The following RPSA2 variants were observed in gnomAD, a reference collection of about 807,000 sequenced individuals.
The protein encoded by RPSA2 is small ribosomal subunit protein uS2B.
the RPSA2 span, among the ~76,000 whole-genome samples, chr19:23,788,454 C>T: frequency 6.6e-6 from 1 of 152,128 alleles, no homozygotes; most frequent in Non-Finnish European, 1.5e-5. Flanking sequence ...TATCACTTGG[C>T]CCAGCACCTA....
chr19:23,774,266 G>T, the RPSA2 span, among the ~76,000 whole-genome samples: 16 of 152,068 alleles, frequency 1.1e-4, no homozygotes, highest in African/African-American at 3.6e-4. Context: ...CATATTGCTG[G>T]GTCCGACTCT....
At chr19:23,790,979 AGT>A in the RPSA2 span, among the ~76,000 whole-genome samples, 4 of 152,166 alleles carry the variant, frequency 2.6e-5, no homozygotes, top group Admixed American at 1.3e-4. Flanking sequence ...CTGTCTTCCC[AGT>A]GCATTGGCTG....
chr19:23,763,315 C>T, the RPSA2 span, among the ~76,000 whole-genome samples: 1 of 152,212 alleles, frequency 6.6e-6, no homozygotes, highest in Non-Finnish European at 1.5e-5. Context: ...AGCGTCCAGC[C>T]CCGTCCGTGC....
At chr19:23,810,081 T>G in the RPSA2 span, among the ~76,000 whole-genome samples, 1 of 152,124 alleles carries the variant, frequency 6.6e-6, no homozygotes, top group Non-Finnish European at 1.5e-5. Flanking sequence ...AGGGTTCACC[T>G]TTAGTTGTCT....
chr19:23,799,651 ACCCC>A, the RPSA2 span, among the ~76,000 whole-genome samples: 49,315 of 51,554 alleles, frequency 0.96, 23,849 homozygotes, highest in East Asian at 1. Flanking sequence ...GAGTACTGTA[ACCCC>A]GTCCTCAGGG....
chr19:23,800,576 A>G, the RPSA2 span, among the ~76,000 whole-genome samples: 1 of 151,158 alleles, frequency 6.6e-6, no homozygotes, highest in African/African-American at 2.4e-5. Context: ...ATAGTCCTCC[A>G]CAGTCACTTC....
the RPSA2 span, among the ~76,000 whole-genome samples, chr19:23,766,262 C>T: frequency 3.3e-5 from 5 of 149,960 alleles, no homozygotes; most frequent in African/African-American, 1.2e-4. Flanking sequence ...GAGTGATTCT[C>T]CCACCGCAGC....
chr19:23,857,317 C>A, the RPSA2 span, among the ~76,000 whole-genome samples: 1 of 152,042 alleles, frequency 6.6e-6, no homozygotes, highest in African/African-American at 2.4e-5. Flanking sequence ...GTAAGACAGG[C>A]ATAAGAAATT....
chr19:23,835,903 G>A, the RPSA2 span, among the ~76,000 whole-genome samples: 2 of 152,090 alleles, frequency 1.3e-5, no homozygotes, highest in African/African-American at 4.8e-5. Context: ...CAGAGTGCTG[G>A]GATTACAGGT....
the RPSA2 span, among the ~76,000 whole-genome samples, chr19:23,788,122 G>A: frequency 6.6e-6 from 1 of 152,112 alleles, no homozygotes; most frequent in African/African-American, 2.4e-5. Flanking sequence ...TTATCTTTCT[G>A]TACCTGTCCA....
chr19:23,825,051 C>T, the RPSA2 span, among the ~76,000 whole-genome samples: 2 of 152,002 alleles, frequency 1.3e-5, no homozygotes, highest in African/African-American at 4.8e-5. Context: ...ACAATCTCAG[C>T]TCATGGCAAA....
the RPSA2 span, among the ~76,000 whole-genome samples, chr19:23,813,057 C>T: frequency 6.6e-6 from 1 of 151,650 alleles, no homozygotes; most frequent in East Asian, 1.9e-4. Flanking sequence ...GTGGAGACAC[C>T]CTCTCTACAA....
chr19:23,850,288 C>G, the RPSA2 span, among the ~76,000 whole-genome samples: 1 of 143,464 alleles, frequency 7.0e-6, no homozygotes, highest in Non-Finnish European at 1.5e-5. Context: ...ATTGGTGAGA[C>G]AGAAAGTATA....
the RPSA2 span, among the ~76,000 whole-genome samples, chr19:23,788,917 C>T: frequency 2.7e-4 from 41 of 151,990 alleles, no homozygotes; most frequent in South Asian, 8.5e-3. Context: ...TGTGTCTCAC[C>T]TCTCAGGGTG....
the RPSA2 span, among the ~76,000 whole-genome samples, chr19:23,836,802 C>A: frequency 6.6e-6 from 1 of 151,818 alleles, no homozygotes; most frequent in Non-Finnish European, 1.5e-5. Context: ...GTTTGTTGGC[C>A]ATTTGTGTAT....
the RPSA2 span, among the ~76,000 whole-genome samples, chr19:23,776,059 C>T: frequency 4.6e-5 from 7 of 152,252 alleles, no homozygotes; most frequent in South Asian, 1.5e-3. Flanking sequence ...CTTGGTGCTA[C>T]TTGAAAAAGA....
At chr19:23,819,884 TC>T in the RPSA2 span, among the ~76,000 whole-genome samples, 1 of 152,216 alleles carries the variant, frequency 6.6e-6, no homozygotes, top group Admixed American at 6.5e-5. Flanking sequence ...ATGTGTAACT[TC>T]CACTTTATTT....
the RPSA2 span, among the ~76,000 whole-genome samples, chr19:23,870,525 C>CAA: frequency 4.6e-5 from 7 of 151,856 alleles, no homozygotes; most frequent in South Asian, 4.2e-4. Context: ...TGGTGAATTA[C>CAA]AAAAAAAAGT....
At chr19:23,766,507 A>T in the RPSA2 span, among the ~76,000 whole-genome samples, 144,424 of 147,570 alleles carry the variant, frequency 0.98, 70,759 homozygotes, top group Middle Eastern at 1. Flanking sequence ...GCTGGAGGGC[A>T]GTGGCGCGAT....
Sources: allele counts gnomAD v4.1 joint callset (sites outside exome capture counted in the v4.1 genomes callset), GRCh38; gene constraint gnomAD v4.1.1; transcripts MANE v1.5; gene names NCBI Gene and HGNC (gene_info 2026-07-23, HGNC 2026-07-21).